The following PAPLN variants were observed in gnomAD, a reference collection of about 807,000 sequenced individuals.
PAPLN encodes papilin.
In PAPLN, 146 loss-of-function variants were observed where a neutral mutation model predicts 159.0. The observed-to-expected ratio is 0.92, with a 90% CI of 0.80 to 1.05. The LOEUF (loss-of-function observed/expected upper bound fraction) is 1.05, where lower values mean the gene tolerates loss of function less well. Among genes scored for constraint, PAPLN ranks in the 50% least tolerant of loss-of-function variants. The pLI, the probability that PAPLN is intolerant of heterozygous loss-of-function variation, is 0.00. For synonymous variants in PAPLN, 734 were observed against 702.9 expected (o/e 1.04, Z -0.70); for missense variants, 1,720 against 1,743.9 (o/e 0.99, Z 0.24).
At chr14:73,246,226 G>A in intron 5 of PAPLN, 51 bp downstream of exon 5, 1 of 1,433,286 alleles carries the variant, frequency 7.0e-7, no homozygotes, top group Non-Finnish European at 9.3e-7. Flanking sequence ...TACCTACGTT[G>A]ATGCCACAGT....
chr14:73,260,310 G>A (rs1886416036), intron 16 of PAPLN, among the ~76,000 whole-genome samples: 1 of 152,152 alleles, frequency 6.6e-6, no homozygotes, highest in Admixed American at 6.5e-5. Context: ...GGTGGGTGTG[G>A]AGTAAATGGT....
chr14:73,264,005 G>A, intron 20 of PAPLN: 5 of 1,496,728 alleles, frequency 3.3e-6, no homozygotes, highest in African/African-American at 1.5e-5. Flanking sequence ...GACCTCCTCT[G>A]ACAGGTTCAC....
At position 73,274,170 on chromosome 14, in the gene PAPLN, T is replaced by G. The variant is rs185709224; in HGVS notation, c.*1506T>G. 1 of 152,218 alleles carries G rather than the reference T, an allele frequency of 6.6e-6. No individual in the cohort carries two copies. The highest frequency in any genetic ancestry group is 1.9e-4 in the East Asian group (1 of 5,190). 9.4% of individuals were successfully genotyped at this position (152,218 alleles called of 1,614,324 possible). The stretch of plus-strand genomic sequence containing the variant: ...GGATGAGGATAGCAATGGGGAAGGG[T>G]TGTGGGCAATGCAGTAACAGGGAAA... On this transcript the variant is annotated 3_prime_UTR_variant, in exon 27 of 27. Coordinates refer to ENST00000644200, the MANE Select transcript of PAPLN (RefSeq NM_001365906.3).
At chr14:73,264,448 C>G in intron 21 of PAPLN, 113 bp downstream of exon 21, 1 of 1,526,364 alleles carries the variant, frequency 6.6e-7, no homozygotes, top group Non-Finnish European at 8.8e-7. Context: ...GGGTGTCTCT[C>G]TGAGTCAATT....
Position 73,253,762 on chromosome 14 carries a change from C to T in PAPLN, c.1103C>T (p.Ala368Val), listed in dbSNP as rs778568658. 11 of 1,593,822 alleles carry T rather than the reference C, an allele frequency of 6.9e-6. No individual in the cohort carries two copies. In the East Asian group the frequency reaches 1.6e-4, roughly 23 times the overall value. Reference protein sequence around the residue: ...HPCPETKRWKAGPWAPCSASC... With the variant: ...HPCPETKRWKVGPWAPCSASC... ...ATTCCCCCTCCTGCCAGCTGGAAGG[C>T]AGGGCCATGGGCACCCTGCTCAGCC... Residue 368 changes from alanine to valine, a missense_variant, in exon 12 of 27, where the codon GCA (alanine) becomes GTA (valine). Transcript: ENST00000644200.
intron 7 of PAPLN, 147 bp downstream of exon 7, chr14:73,251,177 C>G: frequency 7.3e-7 from 1 of 1,371,034 alleles, no homozygotes. Context: ...ATCTGAAAGG[C>G]CCCCTGTGGC....
Position 73,263,931 on chromosome 14 carries a change from C to T in PAPLN, c.2861+149C>T, listed in dbSNP as rs201194571. On this transcript the variant is annotated intron_variant, in intron 20 of 26. Coordinates refer to ENST00000644200, the MANE Select transcript of PAPLN (RefSeq NM_001365906.3). ...AGGTGTGTGTGACAGCCCCCCTACC[C>T]CCTCTGACAGGTGTGTGTGACGGCC... The T allele has an allele frequency of 9.0e-4, 1,035 of 1,151,912 alleles. 2 individuals are homozygous for T. In the East Asian group the frequency reaches 0.012, roughly 13 times the overall value. The allele number at this position is 1,151,912 out of a possible 1,614,324, so 71.4% of individuals were successfully genotyped here.
chr14:73,264,554 A>G lies in PAPLN; in HGVS notation c.2987-34A>G, dbSNP rs200818694. The G allele has an allele frequency of 3.3e-4, 527 of 1,575,344 alleles. 1 individual carries two copies. In the African/African-American group the frequency reaches 6.4e-3, roughly 19 times the overall value. ...CTTCCTTCCACTCCCTTTTCCTCAC[A>G]GCTCACACCTTGTTTCTCCTGGCCT... On this transcript the variant is annotated intron_variant, in intron 21 of 26. Coordinates refer to ENST00000644200, the MANE Select transcript of PAPLN (RefSeq NM_001365906.3).
chr14:73,255,739 C>G (rs1350711078), intron 14 of PAPLN, among the ~76,000 whole-genome samples: 1 of 152,148 alleles, frequency 6.6e-6, no homozygotes, highest in Non-Finnish European at 1.5e-5. Flanking sequence ...GATGGGGACT[C>G]TATGAGCTGT....
chr14:73,267,945 A>G (rs946818656), intron 25 of PAPLN, among the ~76,000 whole-genome samples: 2 of 151,044 alleles, frequency 1.3e-5, no homozygotes, highest in African/African-American at 2.4e-5. Flanking sequence ...TCATCTCCCT[A>G]CTCACTTCTC....
Position 73,259,452 on chromosome 14 carries a change from G to A in PAPLN, c.1892G>A (p.Arg631Lys). 6.2e-7 allele frequency: 1 copy of A among 1,612,472 alleles called. No individual in the cohort carries two copies. The highest frequency in any genetic ancestry group is 8.5e-7 in the Non-Finnish European group (1 of 1,179,572). ...LRSGSGPHDC[R>K]HSPHGCCPDG... ...TCGGGCTCAGGGCCCCACGACTGCA[G>A]ACACAGTCCTCACGGGTGCTGCCCC... The change falls in exon 16 of 27, where the codon AGA becomes AAA. Residue 631 changes from arginine (R) to lysine (K), a missense_variant. Transcript: ENST00000644200.
At position 73,252,680 on chromosome 14, in the gene PAPLN, C is replaced by T. The variant is rs758623968; in HGVS notation, c.999C>T (p.Ile333=). The T allele has an allele frequency of 7.0e-5, 113 of 1,613,244 alleles. No homozygotes were observed. The highest frequency in any genetic ancestry group is 1.1e-5 in the South Asian group (1 of 91,088). The change falls in exon 11 of 27, where the codon ATC becomes ATT. Residue 333 remains isoleucine (I), a synonymous_variant. Transcript: ENST00000644200. ...AGTCCCGCCTGGTGTTCTGCACCAT[C>T]GACCATGAGGCCTACCCCGACCACA... ...GHQSRLVFCT[I]DHEAYPDHMC...
chr14:73,243,798 C>G (rs1883876500), intron 2 of PAPLN: 1 of 152,218 alleles, frequency 6.6e-6, no homozygotes, highest in Non-Finnish European at 1.5e-5. Flanking sequence ...TGATTCCTCT[C>G]TCATATAAAC....
intron 18 of PAPLN, among the ~76,000 whole-genome samples, 184 bp downstream of exon 18, chr14:73,261,478 A>G (rs1886583725): frequency 6.6e-6 from 1 of 152,158 alleles, no homozygotes; most frequent in African/African-American, 2.4e-5. Context: ...CGCATCCAGC[A>G]GTTTGAACCT....
At chr14:73,264,439 G>C (rs1190407735) in intron 21 of PAPLN, 104 bp downstream of exon 21, 5 of 1,534,020 alleles carry the variant, frequency 3.3e-6, no homozygotes. Flanking sequence ...AGGGGCCCAG[G>C]GTGTCTCTCT....
At position 73,264,218 on chromosome 14, in the gene PAPLN, C is replaced by T. The variant is rs1886962942; in HGVS notation, c.2869C>T (p.Leu957=). 1 of 1,613,702 alleles carries T rather than the reference C, an allele frequency of 6.2e-7. No homozygotes were observed. Among genetic ancestry groups the T allele is most frequent in the Non-Finnish European group, 8.5e-7 (1 of 1,179,988 alleles). The change falls in exon 21 of 27, where the codon CTG becomes TTG. Residue 957 remains leucine (L), a synonymous_variant. Coordinates refer to ENST00000644200, the MANE Select transcript of PAPLN (RefSeq NM_001365906.3). The stretch of plus-strand genomic sequence containing the variant: ...CCACACCACCCCACTCAGGCACAGG[C>T]TGCAGTTCGACGGATCCCTGATCAT... ...GQPISSDRHR[L]QFDGSLIIHP... is the part of the protein sequence containing the mutation.
chr14:73,257,474 A>G (rs984919334), intron 14 of PAPLN, among the ~76,000 whole-genome samples: 1 of 152,066 alleles, frequency 6.6e-6, no homozygotes, highest in Non-Finnish European at 1.5e-5. Context: ...TCCTAATTTT[A>G]TCTACTTATC....
chr14:73,254,652 C>T lies in PAPLN; in HGVS notation c.1442C>T (p.Pro481Leu). The T allele has an allele frequency of 1.9e-6, 3 of 1,614,012 alleles. No individual in the cohort carries two copies. Among genetic ancestry groups the T allele is most frequent in the East Asian group, 2.2e-5 (1 of 44,888 alleles). Residue 481 changes from proline to leucine, a missense_variant, in exon 13 of 27, where the codon CCC (proline) becomes CTC (leucine). Pro to Leu is a moderately conservative substitution (Grantham distance 98). Transcript: ENST00000644200. ...LTEPCVHEDC[P>L]LLSDQAWHVG... ...GAGCCCTGTGTGCATGAGGACTGCC[C>T]CCTCCTCAGTGACCAGGCCTGGCAT...
chr14:73,240,265 C>G (rs1398664685), intron 2 of PAPLN, among the ~76,000 whole-genome samples: 1 of 152,010 alleles, frequency 6.6e-6, no homozygotes, highest in African/African-American at 2.4e-5. Context: ...TTTCCATTCC[C>G]CTTGGGGTAG....
Sources: allele counts gnomAD v4.1 joint callset (sites outside exome capture counted in the v4.1 genomes callset), GRCh38; gene constraint gnomAD v4.1.1; transcripts MANE v1.5; gene names NCBI Gene and HGNC (gene_info 2026-07-23, HGNC 2026-07-21).